The following PRICKLE1 variants were observed in gnomAD, a reference collection of about 807,000 sequenced individuals.
PRICKLE1 encodes prickle-like protein 1.
PRICKLE1 carries 14 observed loss-of-function variants against 70.2 expected under a neutral mutation model. That is an observed-to-expected ratio of 0.20 (90% CI 0.13 to 0.31). The LOEUF is 0.31. Ranked by LOEUF, PRICKLE1 falls within the 10% of genes least tolerant of loss-of-function variation. The pLI, the probability that PRICKLE1 is intolerant of heterozygous loss-of-function variation, is 1.00. For synonymous variants in PRICKLE1, 357 were observed against 379.9 expected (o/e 0.94, Z 0.70); for missense variants, 821 against 1,026.2 (o/e 0.80, Z 2.73).
intron 1 of PRICKLE1, among the ~76,000 whole-genome samples, chr12:42,560,080 C>G (rs935575504): frequency 6.8e-6 from 1 of 147,932 alleles, no homozygotes; most frequent in East Asian, 1.9e-4. Flanking sequence ...TTAGATATCA[C>G]AGATAATTGG....
intron 6 of PRICKLE1, 190 bp downstream of exon 6, chr12:42,466,004 G>T: frequency 1.5e-6 from 1 of 663,872 alleles, no homozygotes; most frequent in Non-Finnish European, 2.6e-6. Flanking sequence ...CACAACTACT[G>T]CAAGTAACAA....
rs150766064 is a variant in PRICKLE1, at chr12:42,464,427, G to A, written c.1607C>T (p.Ser536Leu). 22 of 1,613,852 alleles carry A rather than the reference G, an allele frequency of 1.4e-5. No homozygotes were observed. Among genetic ancestry groups the A allele is most frequent in the South Asian group, 9.9e-5 (9 of 91,072 alleles). ...DLKPEQSVRD[S>L]MDSLALSNIT... ...ATTGGACAATGCCAAAGAATCCATC[G>A]AATCCCGAACACTTTGCTCTGGTTT... The change falls in exon 7 of 8, where the codon TCG becomes TTG. Residue 536 changes from serine to leucine, a missense_variant. Physicochemically the swap from Ser to Leu is moderately radical, Grantham distance 145 (BLOSUM62 -2). Transcript: ENST00000345127. The surrounding 1 kb of genome is among the most constrained non-coding windows in gnomAD (Gnocchi z 4.2).
intron 1 of PRICKLE1, among the ~76,000 whole-genome samples, chr12:42,510,441 C>G (rs1422373729): frequency 6.6e-6 from 1 of 152,132 alleles, no homozygotes; most frequent in Non-Finnish European, 1.5e-5. Flanking sequence ...TGTGGGCAAT[C>G]CCAGCACTTT....
intron 1 of PRICKLE1, among the ~76,000 whole-genome samples, chr12:42,510,959 C>A (rs1240513507): frequency 6.6e-6 from 1 of 152,246 alleles, no homozygotes; most frequent in African/African-American, 2.4e-5. Context: ...CTCTTCAGAG[C>A]TTTGCCATTG....
chr12:42,488,071 A>G (rs1939021130), intron 1 of PRICKLE1, among the ~76,000 whole-genome samples: 1 of 152,040 alleles, frequency 6.6e-6, no homozygotes, highest in Non-Finnish European at 1.5e-5. Flanking sequence ...TGAAATAAAC[A>G]TCTCGATATA....
intron 1 of PRICKLE1, among the ~76,000 whole-genome samples, chr12:42,557,219 G>T (rs1566125460): frequency 6.6e-6 from 1 of 152,150 alleles, no homozygotes; most frequent in African/African-American, 2.4e-5. Context: ...ATGGTTGAAG[G>T]CTTTTAAAAT....
intron 1 of PRICKLE1, among the ~76,000 whole-genome samples, chr12:42,574,413 C>T (rs138922785): frequency 1.8e-3 from 271 of 152,270 alleles, no homozygotes; most frequent in African/African-American, 6.0e-3. Flanking sequence ...CTCTGAACCC[C>T]ACTGTCTGTG....
At chr12:42,546,740 C>T (rs1940221198) in intron 1 of PRICKLE1, among the ~76,000 whole-genome samples, 1 of 152,128 alleles carries the variant, frequency 6.6e-6, no homozygotes, top group Admixed American at 6.5e-5. Context: ...GGTGACACAG[C>T]GAGACTCCAT....
intron 1 of PRICKLE1, among the ~76,000 whole-genome samples, chr12:42,543,610 C>A (rs1940154839): frequency 6.6e-6 from 1 of 152,146 alleles, no homozygotes; most frequent in Non-Finnish European, 1.5e-5. Context: ...GCAAGCTCCA[C>A]TTCCTGGGTT....
At chr12:42,584,308 C>T (rs1940952386) in intron 1 of PRICKLE1, 1 of 152,126 alleles carries the variant, frequency 6.6e-6, no homozygotes. Flanking sequence ...AACTATATTG[C>T]TATGTCCCTA....
At chr12:42,559,192 C>A (rs1940459178) in intron 1 of PRICKLE1, among the ~76,000 whole-genome samples, 1 of 152,180 alleles carries the variant, frequency 6.6e-6, no homozygotes, top group Admixed American at 6.5e-5. Flanking sequence ...TCATTTCAAA[C>A]TGTTTCCTGG....
At chr12:42,513,396 A>C (rs1225083577) in intron 1 of PRICKLE1, among the ~76,000 whole-genome samples, 2 of 152,166 alleles carry the variant, frequency 1.3e-5, no homozygotes, top group African/African-American at 4.8e-5. Context: ...TACTCAATTA[A>C]TATTTGTTAA....
intron 1 of PRICKLE1, among the ~76,000 whole-genome samples, chr12:42,506,289 C>G (rs1939413802): frequency 7.9e-6 from 1 of 125,906 alleles, no homozygotes; most frequent in Non-Finnish European, 1.6e-5. Context: ...TGGAGTCTCT[C>G]TCTGTTGCCT....
chr12:42,554,295 T>C (rs1031354017), intron 1 of PRICKLE1, among the ~76,000 whole-genome samples: 24 of 152,214 alleles, frequency 1.6e-4, no homozygotes, highest in African/African-American at 5.5e-4. Context: ...GCTCATTACA[T>C]AGTGTTCCTC....
At chr12:42,509,981 G>A (rs1359450862) in intron 1 of PRICKLE1, among the ~76,000 whole-genome samples, 2 of 151,598 alleles carry the variant, frequency 1.3e-5, no homozygotes, top group African/African-American at 4.8e-5. Context: ...GCTGATGCAG[G>A]AGAATTGCTT....
intron 1 of PRICKLE1, among the ~76,000 whole-genome samples, chr12:42,479,537 T>G (rs947690258): frequency 2.0e-5 from 3 of 152,246 alleles, no homozygotes; most frequent in African/African-American, 7.2e-5. Context: ...TTTGTGAAAT[T>G]TACTTTCTAG....
intron 1 of PRICKLE1, 24 bp from the exon 2 acceptor site, chr12:42,472,588 A>G: frequency 6.3e-7 from 1 of 1,590,642 alleles, no homozygotes; most frequent in South Asian, 1.1e-5. Context: ...AAGAAAAAAC[A>G]AAGACATCTA....
intron 1 of PRICKLE1, among the ~76,000 whole-genome samples, chr12:42,576,613 ATTAG>A (rs1472632451): frequency 2.0e-5 from 3 of 152,240 alleles, no homozygotes; most frequent in African/African-American, 7.2e-5. Flanking sequence ...TGTCAAATTT[ATTAG>A]TTCTTCCTAT....
Position 42,465,092 on chromosome 12 carries a change from G to A in PRICKLE1, c.942C>T (p.Ala314=). ...KTCSLGEDVH[A]SDSSDSAFQS... is the part of the protein sequence containing the mutation. ...GAAATGCAGAGTCGGAAGAATCAGA[G>A]GCATGGACGTCTTCACCAAGACTGC... The change falls in exon 7 of 8, where the codon GCC becomes GCT. Residue 314 remains alanine, a synonymous_variant. Transcript: ENST00000345127. The A allele has an allele frequency of 1.9e-6, 3 of 1,565,282 alleles. No homozygotes were observed. Among genetic ancestry groups the A allele is most frequent in the Non-Finnish European group, 1.7e-6 (2 of 1,159,996 alleles).
Sources: gnomAD v4.1 joint callset for allele counts (sites outside exome capture counted in the v4.1 genomes callset) on GRCh38, gnomAD v4.1.1 for gene constraint, Gnocchi (gnomAD v3.1) non-coding constraint, MANE v1.5 for transcripts, NCBI Gene and HGNC (gene_info 2026-07-23, HGNC 2026-07-21) for gene names.